NPIPB8: variants seen among roughly 807,000 people sequenced by gnomAD.
NPIPB8 encodes nuclear pore complex-interacting protein family member B8.
NPIPB8 carries 3 observed loss-of-function variants against 5.3 expected under a neutral mutation model. The ratio of observed to expected loss-of-function variants is 0.57; its 90% CI spans 0.26 to 1.47. The LOEUF (loss-of-function observed/expected upper bound fraction) is 1.47. Ranked by LOEUF, NPIPB8 falls within the 40% of genes most tolerant of loss-of-function variation. The pLI, the probability that NPIPB8 is intolerant of heterozygous loss-of-function variation, is 0.13. For missense variants in NPIPB8, 50 were observed against 50.2 expected, an observed-to-expected ratio of 1.00 and a Z score of 0.01; for synonymous variants, 18 against 23.0, an observed-to-expected ratio of 0.78 and a Z score of 0.62.
At chr16:28,639,406 CACACACACAG>C (rs2047851461) in intron 2 of NPIPB8, among the ~76,000 whole-genome samples, 2 of 146,326 alleles carry the variant, frequency 1.4e-5, no homozygotes, top group South Asian at 2.1e-4. Context: ...GATACACACA[CACACACACAG>C]ACACACACAC....
chr16:28,639,232 A>T (rs1408333849), intron 2 of NPIPB8, among the ~76,000 whole-genome samples: 18 of 147,564 alleles, frequency 1.2e-4, no homozygotes, highest in East Asian at 7.8e-4. Context: ...TTTATTTTAC[A>T]ACATGTAATA....
intron 2 of NPIPB8, among the ~76,000 whole-genome samples, chr16:28,639,324 T>C (rs1184617879): frequency 2.0e-5 from 3 of 150,038 alleles, no homozygotes; most frequent in Non-Finnish European, 3.0e-5. Flanking sequence ...AAATTAGTCA[T>C]TAAGTTGAAC....
chr16:28,638,391 C>A lies in NPIPB8; in HGVS notation c.31C>A (p.Gln11Lys). Reference sequence around the variant, plus strand: ...GAAGCTCTCTATTGTCCTGACCCCACAGTTCCTGTCCCATGACCAGGGCCA... The same window carrying A: ...GAAGCTCTCTATTGTCCTGACCCCAAAGTTCCTGTCCCATGACCAGGGCCA... MVKLSIVLTP[Q>K]FLSHDQGQLT... The change falls in exon 2 of 8, where the codon CAG becomes AAG. Residue 11 changes from glutamine (Q) to lysine (K), a missense_variant. Physicochemically the swap from Gln to Lys is moderately conservative, Grantham distance 53 (BLOSUM62 1). Transcript: ENST00000683297. 1 of 1,570,058 alleles carries A rather than the reference C, an allele frequency of 6.4e-7. No homozygotes were observed.
At chr16:28,638,263 T>G (rs2047826492) in intron 1 of NPIPB8, 60 bp from the exon 2 acceptor site, 1 of 1,533,484 alleles carries the variant, frequency 6.5e-7, no homozygotes, top group African/African-American at 1.4e-5. Context: ...CACTATAGAC[T>G]CAAACATCAC....
rs779168755 is a variant in NPIPB8 at position 28,644,613 on chromosome 16, C to T, written c.121-3522C>T. Reference sequence around the variant, plus strand: ...ACATGCGGCTGCGCTTTTGGCTCCTCATTTGGCTCCTGCTGGGATTTATCA... The same window carrying T: ...ACATGCGGCTGCGCTTTTGGCTCCTTATTTGGCTCCTGCTGGGATTTATCA... On this transcript the variant is annotated intron_variant, in intron 2 of 7. Transcript: ENST00000683297. The T allele has an allele frequency of 7.2e-6, 11 of 1,518,646 alleles. No homozygotes were observed. The Admixed American group carries it at 2.2e-4, about 30-fold the overall frequency. The allele number at this position is 1,518,646 out of a possible 1,614,324, so 94.1% of individuals were successfully genotyped here.
chr16:28,652,406 T>C, intron 5 of NPIPB8, 42 bp downstream of exon 5: 3 of 129,272 alleles, frequency 2.3e-5, no homozygotes, highest in Non-Finnish European at 2.8e-5. Flanking sequence ...ATGAACCATG[T>C]GCCAATCAAA....
At chr16:28,642,337 C>A (rs191711050) in intron 2 of NPIPB8, among the ~76,000 whole-genome samples, 3 of 152,220 alleles carry the variant, frequency 2.0e-5, no homozygotes, top group East Asian at 3.9e-4. Flanking sequence ...AACTCCTAAC[C>A]TTGTGATCCA....
At chr16:28,653,158 C>A (rs1423419620) in intron 5 of NPIPB8, among the ~76,000 whole-genome samples, 2 of 110,152 alleles carry the variant, frequency 1.8e-5, no homozygotes, top group Non-Finnish European at 3.8e-5. Context: ...CTGCAACCTC[C>A]GCCTCCCAGG....
chr16:28,639,456 T>TG (rs773775499), intron 2 of NPIPB8, among the ~76,000 whole-genome samples: 3 of 90,728 alleles, frequency 3.3e-5, no homozygotes, highest in African/African-American at 1.2e-4. Flanking sequence ...TATATATATA[T>TG]TTTTTTTTTT....
At chr16:28,645,076 T>G (rs62035138) in intron 2 of NPIPB8, among the ~76,000 whole-genome samples, 1 of 104,342 alleles carries the variant, frequency 9.6e-6, no homozygotes, top group Non-Finnish European at 2.2e-5. Flanking sequence ...CAGAGTCTCA[T>G]TCTGTCGCCC....
intron 2 of NPIPB8, among the ~76,000 whole-genome samples, chr16:28,639,420 C>T (rs1250206893): frequency 3.5e-5 from 5 of 141,774 alleles, no homozygotes; most frequent in Non-Finnish European, 6.0e-5. Context: ...CACACAGACA[C>T]ACACACAGAC....
chr16:28,643,099 C>A (rs1404290622), intron 2 of NPIPB8, among the ~76,000 whole-genome samples: 1 of 151,404 alleles, frequency 6.6e-6, no homozygotes, highest in Non-Finnish European at 1.5e-5. Flanking sequence ...GCTCCCCACC[C>A]ATCACACATG....
At chr16:28,645,098 C>T (rs2151756674) in intron 2 of NPIPB8, among the ~76,000 whole-genome samples, 1 of 126,788 alleles carries the variant, frequency 7.9e-6, no homozygotes, top group Non-Finnish European at 1.7e-5. Flanking sequence ...GGCTGGAGTG[C>T]AGTGGCAAGA....
chr16:28,640,810 A>T (rs975346617), intron 2 of NPIPB8, among the ~76,000 whole-genome samples: 1 of 152,172 alleles, frequency 6.6e-6, no homozygotes, highest in East Asian at 1.9e-4. Context: ...CTCAGAATCA[A>T]TTGAGTGACA....
chr16:28,642,484 T>C (rs1396021201), intron 2 of NPIPB8, among the ~76,000 whole-genome samples: 1 of 150,894 alleles, frequency 6.6e-6, no homozygotes, highest in African/African-American at 2.5e-5. Context: ...TTTGTTTGTT[T>C]GTAGTTGTTG....
At chr16:28,642,435 TA>T (rs2047916973) in intron 2 of NPIPB8, among the ~76,000 whole-genome samples, 1 of 150,778 alleles carries the variant, frequency 6.6e-6, no homozygotes, top group South Asian at 2.1e-4. Flanking sequence ...CTGCAGCATA[TA>T]AAAAGAATTG....
At chr16:28,642,613 T>G (rs989305191) in intron 2 of NPIPB8, among the ~76,000 whole-genome samples, 4 of 151,018 alleles carry the variant, frequency 2.6e-5, no homozygotes, top group Admixed American at 2.6e-4. Flanking sequence ...GCCTCCCAAG[T>G]AGGTGGGACT....
chr16:28,641,431 T>C (rs3987706), intron 2 of NPIPB8, among the ~76,000 whole-genome samples: 2 of 144,126 alleles, frequency 1.4e-5, no homozygotes, highest in Non-Finnish European at 3.1e-5. Context: ...CATCCCAGCC[T>C]AGGCCCAATG....
chr16:28,641,057 G>A (rs1261025150), intron 2 of NPIPB8, among the ~76,000 whole-genome samples: 1 of 151,976 alleles, frequency 6.6e-6, no homozygotes, highest in Non-Finnish European at 1.5e-5. Context: ...CACTGACAGT[G>A]CCCCTGTGTC....
Sources: gnomAD v4.1 joint callset for allele counts (sites outside exome capture counted in the v4.1 genomes callset) on GRCh38, gnomAD v4.1.1 for gene constraint, MANE v1.5 for transcripts, NCBI Gene and HGNC (gene_info 2026-07-23, HGNC 2026-07-21) for gene names.